The following ADPGK variants were observed in gnomAD, a reference collection of about 807,000 sequenced individuals.
The protein encoded by ADPGK is ADP dependent glucokinase, also known as ADP-dependent glucokinase.
Under a neutral mutation model 42.4 loss-of-function variants are expected in ADPGK, and 26 were observed. The ratio of observed to expected loss-of-function variants is 0.61; its 90% CI spans 0.45 to 0.85. The LOEUF (loss-of-function observed/expected upper bound fraction) is 0.85. Ranked by LOEUF, ADPGK falls within the 40% of genes least tolerant of loss-of-function variation. ADPGK has a pLI of 0.00. For synonymous variants in ADPGK, 267 were observed against 252.6 expected (o/e 1.06, Z -0.54); for missense variants, 571 against 627.0 (o/e 0.91, Z 0.95).
At chr15:72,766,906 T>C (rs918219421) in intron 3 of ADPGK, among the ~76,000 whole-genome samples, 1 of 152,022 alleles carries the variant, frequency 6.6e-6, no homozygotes, top group Admixed American at 6.5e-5. Flanking sequence ...AGCAAACAAA[T>C]AGCAAGATGT....
Position 72,783,497 on chromosome 15 carries a change from G to A in ADPGK, c.195C>T (p.Ile65=). The A allele has an allele frequency of 1.4e-6, 2 of 1,453,178 alleles. No homozygotes were observed. Among genetic ancestry groups the A allele is most frequent in the Non-Finnish European group, 1.8e-6 (2 of 1,109,662 alleles). The allele number at this position is 1,453,178 out of a possible 1,614,324, so 90.0% of individuals were successfully genotyped here. Residue 65 remains isoleucine (I), a synonymous_variant, in exon 1 of 7, where the codon ATC becomes ATT. Transcript: ENST00000456471. ...GGCGCCAGCGCCGGACTGGCCGCAC[G>A]ATAAGCGCGTCCCAGGCTGCCGCCA... The part of the protein sequence containing the change: ...GRLAAAWDAL[I]VRPVRRWRRV...
intron 3 of ADPGK, 32 bp downstream of exon 3, chr15:72,771,751 G>A (rs1396016906): frequency 1.9e-6 from 3 of 1,579,448 alleles, no homozygotes; most frequent in East Asian, 2.2e-5. Flanking sequence ...ACTAGGGAAA[G>A]GCATAGGTTT....
intron 4 of ADPGK, among the ~76,000 whole-genome samples, chr15:72,760,038 G>C (rs2066172451): frequency 6.6e-6 from 1 of 152,206 alleles, no homozygotes. Context: ...GCAGAATCCA[G>C]CACAGAGTTG....
At chr15:72,763,056 G>A (rs932961523) in intron 3 of ADPGK, among the ~76,000 whole-genome samples, 1 of 152,104 alleles carries the variant, frequency 6.6e-6, no homozygotes, top group African/African-American at 2.4e-5. Flanking sequence ...CCAGGTATAC[G>A]GAACCTGAAA....
chr15:72,775,030 C>CAGGACT lies in ADPGK; in HGVS notation c.295_300dup (p.Ser99_Pro100dup), dbSNP rs1193099008. 2 of 1,614,032 alleles carry CAGGACT rather than the reference C, an allele frequency of 1.2e-6. No individual in the cohort carries two copies. The highest frequency in any genetic ancestry group is 1.7e-6 in the Non-Finnish European group (2 of 1,180,030). The stretch of plus-strand genomic sequence containing the variant: ...AGAATGCTGTGATCTTTCCCATTCC[C>CAGGACT]AGGACTAAGGCCAAGTGCCTGCAAG... On this transcript the variant is annotated inframe_insertion, in exon 2 of 7. Coordinates refer to ENST00000456471, the MANE Select transcript of ADPGK (RefSeq NM_001365225.1).
At chr15:72,760,365 C>A in intron 4 of ADPGK, 42 bp downstream of exon 4, 1 of 1,563,040 alleles carries the variant, frequency 6.4e-7, no homozygotes, top group South Asian at 1.2e-5. Flanking sequence ...AATACACAGC[C>A]CCTTGACTGG....
chr15:72,753,027 G>A (rs2066067990), intron 6 of ADPGK, 132 bp from the exon 7 acceptor site: 1 of 864,424 alleles, frequency 1.2e-6, no homozygotes, highest in Admixed American at 2.9e-5. Context: ...GGACTCCCTG[G>A]CCCTGAAGTC....
At chr15:72,762,827 C>T (rs1458545140) in intron 3 of ADPGK, among the ~76,000 whole-genome samples, 1 of 152,002 alleles carries the variant, frequency 6.6e-6, no homozygotes, top group Non-Finnish European at 1.5e-5. Context: ...ACCAAAAATA[C>T]AAAAAATTTA....
chr15:72,753,602 G>T (rs2066075204), intron 6 of ADPGK, among the ~76,000 whole-genome samples: 1 of 152,190 alleles, frequency 6.6e-6, no homozygotes, highest in African/African-American at 2.4e-5. Context: ...ATGTATGTGT[G>T]CATGTATAAA....
rs1399806066 is a variant in ADPGK at position 72,783,524 on chromosome 15, C to A, written c.168G>T (p.Arg56=). 1 of 1,477,240 alleles carries A rather than the reference C, an allele frequency of 6.8e-7. No homozygotes were observed. Among genetic ancestry groups the A allele is most frequent in the Non-Finnish European group, 8.9e-7 (1 of 1,121,316 alleles). 91.5% of individuals were successfully genotyped at this position (1,477,240 alleles called of 1,614,324 possible). ...TAAGCGCGTCCCAGGCTGCCGCCAA[C>A]CGGCCCTCGGGGGAGACGGGTCCCG... ...APPGPVSPEG[R]LAAAWDALIV... is the part of the protein sequence containing the mutation. The change falls in exon 1 of 7, where the codon CGG becomes CGT. Residue 56 remains arginine (R), a synonymous_variant. Coordinates refer to ENST00000456471, the MANE Select transcript of ADPGK (RefSeq NM_001365225.1).
At position 72,751,980 on chromosome 15, in the gene ADPGK, G is replaced by A. The variant is rs2066051091; in HGVS notation, c.*361C>T. Reference sequence around the variant, plus strand: ...ATGAGGCTTTCCTAGAGACCAGGATGTTGGGTGAGTGGGCGTGCACTTCTC... The same window carrying A: ...ATGAGGCTTTCCTAGAGACCAGGATATTGGGTGAGTGGGCGTGCACTTCTC... On this transcript the variant is annotated 3_prime_UTR_variant, in exon 7 of 7. Transcript: ENST00000456471. The A allele has an allele frequency of 4.6e-6, 1 of 216,546 alleles. No individual in the cohort carries two copies. Among genetic ancestry groups the A allele is most frequent in the Non-Finnish European group, 9.3e-6 (1 of 107,290 alleles). The allele number at this position is 216,546 out of a possible 1,614,324, so 13.4% of individuals were successfully genotyped here.
intron 6 of ADPGK, among the ~76,000 whole-genome samples, chr15:72,753,734 T>G (rs577662382): frequency 2.0e-4 from 30 of 152,314 alleles, no homozygotes; most frequent in Non-Finnish European, 4.1e-4. Flanking sequence ...CTTACTGTAA[T>G]CTTCTGAGGG....
At chr15:72,755,483 T>TC (rs1395582559) in intron 6 of ADPGK, 73 bp downstream of exon 6, 1 of 1,129,022 alleles carries the variant, frequency 8.9e-7, no homozygotes, top group African/African-American at 1.6e-5. Context: ...AAACAGATGG[T>TC]CCCACTGCAC....
At chr15:72,767,558 A>G (rs1387981033) in intron 3 of ADPGK, among the ~76,000 whole-genome samples, 1 of 152,176 alleles carries the variant, frequency 6.6e-6, no homozygotes, top group East Asian at 1.9e-4. Flanking sequence ...ACCATGAAAA[A>G]GGTCTCAAAA....
intron 4 of ADPGK, chr15:72,756,849 T>C (rs2151071433): frequency 5.7e-6 from 1 of 176,124 alleles, no homozygotes; most frequent in South Asian, 1.4e-4. Flanking sequence ...AGCACATTCT[T>C]CCTCACAGCA....
Position 72,756,463 on chromosome 15 carries a change from C to T in ADPGK, c.644-16G>A, listed in dbSNP as rs764416709. The T allele has an allele frequency of 1.9e-6, 3 of 1,613,688 alleles. No homozygotes were observed. The African/African-American group carries it at 4.0e-5, about 22-fold the overall frequency. On this transcript the variant is annotated splice_polypyrimidine_tract_variant and intron_variant, in intron 4 of 6. Coordinates refer to ENST00000456471, the MANE Select transcript of ADPGK (RefSeq NM_001365225.1). ...CACTCCTCCCCTGGAAAAACCCAGT[C>T]AACACAATGGGAAGAAAAGGAAGAG...
At chr15:72,756,172 G>A in intron 5 of ADPGK, 79 bp downstream of exon 5, 1 of 1,564,052 alleles carries the variant, frequency 6.4e-7, no homozygotes, top group Non-Finnish European at 8.8e-7. Flanking sequence ...CTAAGACAAG[G>A]CAGCAGATGC....
intron 3 of ADPGK, among the ~76,000 whole-genome samples, chr15:72,765,176 G>A (rs967069787): frequency 6.6e-6 from 1 of 152,040 alleles, no homozygotes; most frequent in Non-Finnish European, 1.5e-5. Flanking sequence ...AGACAGTCTG[G>A]CTCTGTCGCC....
chr15:72,774,936 A>G lies in ADPGK; in HGVS notation c.395T>C (p.Phe132Ser), dbSNP rs201693697. 7.9e-5 allele frequency: 127 copies of G among 1,614,072 alleles called. No individual in the cohort carries two copies. Among genetic ancestry groups the G allele is most frequent in the Non-Finnish European group, 9.7e-5 (114 of 1,180,044 alleles). ...FMGKGAAAERFFSDKETFHDI... is the reference protein window; with the variant it reads ...FMGKGAAAERSFSDKETFHDI... ...GTGAAAAGTTTCCTTATCACTGAAGAAGCGCTCAGCAGCTGCTCCCTTCCC... is the reference window on the plus strand; with the variant it reads ...GTGAAAAGTTTCCTTATCACTGAAGGAGCGCTCAGCAGCTGCTCCCTTCCC... Residue 132 changes from phenylalanine to serine, a missense_variant, in exon 2 of 7, where the codon TTC becomes TCC. Transcript: ENST00000456471.
Sources: allele counts gnomAD v4.1 joint callset (sites outside exome capture counted in the v4.1 genomes callset), GRCh38; gene constraint gnomAD v4.1.1; transcripts MANE v1.5; gene names NCBI Gene and HGNC (gene_info 2026-07-23, HGNC 2026-07-21).